Variants in MYO5B observed in about 807,000 individuals in gnomAD.
MYO5B encodes the protein unconventional myosin-Vb.
A neutral mutation model predicts 229.3 loss-of-function variants in MYO5B; 143 were observed. That is an observed-to-expected ratio of 0.62 (90% CI 0.54 to 0.72). The LOEUF (loss-of-function observed/expected upper bound fraction) is 0.72. Among genes scored for constraint, MYO5B ranks in the 30% least tolerant of loss-of-function variants. The pLI is 0.00. For synonymous variants in MYO5B, 918 were observed against 885.2 expected (o/e 1.04, Z -0.66); for missense variants, 2,321 against 2,331.0 (o/e 1.00, Z 0.09).
At chr18:49,957,482 CA>C (rs780288016) in intron 12 of MYO5B, among the ~76,000 whole-genome samples, 1 of 151,934 alleles carries the variant, frequency 6.6e-6, no homozygotes, top group East Asian at 1.9e-4. Context: ...CTCATCTCTA[CA>C]AAAAACTTAA....
chr18:50,090,083 G>A (rs1397119245), intron 1 of MYO5B, among the ~76,000 whole-genome samples: 3 of 152,098 alleles, frequency 2.0e-5, no homozygotes, highest in African/African-American at 7.2e-5. Context: ...CACTCCCTTT[G>A]TCTCTGTACG....
At chr18:49,934,347 T>C (rs1294757374) in intron 16 of MYO5B, among the ~76,000 whole-genome samples, 2 of 152,234 alleles carry the variant, frequency 1.3e-5, no homozygotes, top group Non-Finnish European at 2.9e-5. Context: ...ACATGGTCAG[T>C]ATTCCTCCCA....
chr18:50,131,957 A>C (rs1705517), intron 1 of MYO5B, among the ~76,000 whole-genome samples: 130,392 of 152,190 alleles, frequency 0.86, 56,009 homozygotes, highest in Admixed American at 0.89. Flanking sequence ...GAGAACATTT[A>C]TCATTTCTGT....
In MYO5B at chr18:49,984,906, C is replaced by A. The variant is rs796725336; in HGVS notation, c.839-81G>T. The A allele has an allele frequency of 8.1e-6, 8 of 990,988 alleles. No individual in the cohort carries two copies. The South Asian group carries it at 9.1e-5, about 11-fold the overall frequency. The allele number at this position is 990,988 out of a possible 1,614,324, so 61.4% of individuals were successfully genotyped here. On this transcript the variant is annotated intron_variant, in intron 7 of 39. Transcript: ENST00000285039. ...ATCGTGACCCATGAAAATTCTACTC[C>A]GTTAGCATGCTATCCCAGACTAAAT...
intron 1 of MYO5B, among the ~76,000 whole-genome samples, chr18:50,119,240 T>C (rs953608368): frequency 1.3e-5 from 2 of 152,240 alleles, no homozygotes; most frequent in African/African-American, 4.8e-5. Context: ...GGAGCTGCAC[T>C]GTTCTATCCC....
At position 49,824,484 on chromosome 18, in the gene MYO5B, G is replaced by A. The variant is rs1420554348; in HGVS notation, c.*1987C>T. ...GAGAGTAGTGACCAAGAGAGATGGAGAGAATGATGGTATAAGACAGTGTAT... is the reference window on the plus strand; with the variant it reads ...GAGAGTAGTGACCAAGAGAGATGGAAAGAATGATGGTATAAGACAGTGTAT... On this transcript the variant is annotated 3_prime_UTR_variant, in exon 40 of 40. Transcript: ENST00000285039. 2.0e-5 allele frequency: 3 copies of A among 152,526 alleles called. No individual in the cohort carries two copies. The highest frequency in any genetic ancestry group is 4.4e-5 in the Non-Finnish European group (3 of 68,068). 9.4% of individuals were successfully genotyped at this position (152,526 alleles called of 1,614,324 possible).
At chr18:49,917,813 T>C (rs1407551940) in intron 17 of MYO5B, among the ~76,000 whole-genome samples, 2 of 152,188 alleles carry the variant, frequency 1.3e-5, no homozygotes, top group Non-Finnish European at 2.9e-5. Context: ...AGTGGTGTGC[T>C]TCCTCCAGAA....
intron 14 of MYO5B, among the ~76,000 whole-genome samples, chr18:49,945,746 GGGA>G (rs1204014669): frequency 1.5e-5 from 1 of 68,962 alleles, no homozygotes; most frequent in Non-Finnish European, 3.1e-5. Flanking sequence ...GCTGGTGGAG[GGGA>G]GGAGGGGAGG....
At chr18:50,130,873 T>C (rs970615103) in intron 1 of MYO5B, among the ~76,000 whole-genome samples, 4 of 152,188 alleles carry the variant, frequency 2.6e-5, no homozygotes, top group African/African-American at 7.2e-5. Flanking sequence ...CAGGAAAAGG[T>C]AGTTTCCCTT....
intron 1 of MYO5B, among the ~76,000 whole-genome samples, chr18:50,189,749 A>G (rs1163377006): frequency 1.3e-5 from 2 of 152,212 alleles, no homozygotes; most frequent in Admixed American, 6.5e-5. Context: ...CCCCTCCAGC[A>G]GGGGTGACTG....
In MYO5B at chr18:49,929,584, C is replaced by T. The variant is rs1360262594; in HGVS notation, c.2018G>A (p.Arg673Lys). 3 of 1,592,696 alleles carry T rather than the reference C, an allele frequency of 1.9e-6. No individual in the cohort carries two copies. Among genetic ancestry groups the T allele is most frequent in the Admixed American group, 3.5e-5 (2 of 57,660 alleles). Residue 673 changes from arginine (R) to lysine (K), a missense_variant, in exon 17 of 40, where the codon AGA becomes AAA. Transcript: ENST00000285039. ...GCAGGCTCTGAGTTGCTGCACTGCT[C>T]TCTTTGGGTCAAAGCTGCCAAAGGA... ...EKLPFHFDPKRAVQQLRACGV... is the reference protein window; with the variant it reads ...EKLPFHFDPKKAVQQLRACGV...
intron 10 of MYO5B, among the ~76,000 whole-genome samples, chr18:49,963,403 A>ATTTATTTATTTATTT (rs1568049806): frequency 6.9e-6 from 1 of 144,366 alleles, no homozygotes; most frequent in African/African-American, 2.6e-5. Context: ...TATTTAATTT[A>ATTTATTTATTTATTT]ATTAATTAAT....
chr18:50,170,037 G>T (rs2032903937), intron 1 of MYO5B, among the ~76,000 whole-genome samples: 1 of 127,924 alleles, frequency 7.8e-6, no homozygotes, highest in African/African-American at 3.0e-5. Flanking sequence ...AGTCATAACT[G>T]ATACATTTAA....
At chr18:50,028,421 A>G (rs2026354007) in intron 4 of MYO5B, among the ~76,000 whole-genome samples, 1 of 152,204 alleles carries the variant, frequency 6.6e-6, no homozygotes, top group Non-Finnish European at 1.5e-5. Context: ...CAGAAAGACC[A>G]GATGACATCT....
At chr18:50,193,585 C>T (rs1192975091) in intron 1 of MYO5B, among the ~76,000 whole-genome samples, 4 of 152,248 alleles carry the variant, frequency 2.6e-5, no homozygotes, top group African/African-American at 7.2e-5. Flanking sequence ...CCAGCCCAGA[C>T]CTGTTGGCCC....
chr18:50,073,749 C>T (rs781601944), intron 1 of MYO5B, among the ~76,000 whole-genome samples: 5 of 152,146 alleles, frequency 3.3e-5, no homozygotes, highest in Non-Finnish European at 7.3e-5. Flanking sequence ...TACCCCTCAC[C>T]TGTTTATTTC....
chr18:50,106,907 C>A (rs1204800037), intron 1 of MYO5B, among the ~76,000 whole-genome samples: 2 of 152,050 alleles, frequency 1.3e-5, no homozygotes, highest in Non-Finnish European at 2.9e-5. Context: ...TAAAGAAAAC[C>A]CTGGAGAAAT....
At position 50,001,335 on chromosome 18, in the gene MYO5B, G is replaced by T; in HGVS notation, c.532C>A (p.Arg178Ser). 1.9e-6 allele frequency: 3 copies of T among 1,614,138 alleles called. No individual in the cohort carries two copies. Among genetic ancestry groups the T allele is most frequent in the Non-Finnish European group, 2.5e-6 (3 of 1,180,018 alleles). Residue 178 changes from arginine to serine, a missense_variant, in exon 5 of 40, where the codon CGC becomes AGC. Arg to Ser is a moderately radical substitution (Grantham distance 110). Transcript: ENST00000285039. ...GAGCCACCAACGGTGGCGAAATAGC[G>T]CATGGCATACTTGGCTGATACCGTC... ...GKTVSAKYAM[R>S]YFATVGGSAS...
intron 23 of MYO5B, among the ~76,000 whole-genome samples, chr18:49,879,994 C>T (rs1354835832): frequency 2.6e-5 from 4 of 152,236 alleles, no homozygotes; most frequent in Non-Finnish European, 4.4e-5. Context: ...AAGCACTTCA[C>T]GTGCAGCCTC....
Sources: allele counts gnomAD v4.1 joint callset (sites outside exome capture counted in the v4.1 genomes callset), GRCh38; gene constraint gnomAD v4.1.1; transcripts MANE v1.5; gene names NCBI Gene and HGNC (gene_info 2026-07-23, HGNC 2026-07-21).